CSMD1: variants seen among roughly 807,000 people sequenced by gnomAD.
CSMD1 encodes the protein CUB and sushi domain-containing protein 1.
CSMD1 carries 213 observed loss-of-function variants against 417.5 expected under a neutral mutation model. That is an observed-to-expected ratio of 0.51 (90% CI 0.46 to 0.57). The LOEUF (loss-of-function observed/expected upper bound fraction) is 0.57. CSMD1 is among the 20% of genes least tolerant of loss of function. The pLI, the probability that CSMD1 is intolerant of heterozygous loss-of-function variation, is 0.00. For missense variants in CSMD1, 6,923 were observed against 4,529.7 expected (o/e 1.53, Z -15.17); for synonymous variants, 2,862 against 1,736.8 (o/e 1.65, Z -16.11).
chr8:2,979,886 A>G (rs1402815553), intron 54 of CSMD1, among the ~76,000 whole-genome samples: 2 of 152,244 alleles, frequency 1.3e-5, no homozygotes, highest in Non-Finnish European at 2.9e-5. Context: ...TAAGGCATGT[A>G]CATGCCCCTA....
At chr8:3,507,494 A>G (rs1323876727) in intron 10 of CSMD1, among the ~76,000 whole-genome samples, 1 of 152,170 alleles carries the variant, frequency 6.6e-6, no homozygotes, top group Non-Finnish European at 1.5e-5. Context: ...TAGCAGCATG[A>G]TTTATAATCC....
At chr8:4,920,048 G>C (rs976651165) in intron 1 of CSMD1, among the ~76,000 whole-genome samples, 5 of 152,148 alleles carry the variant, frequency 3.3e-5, no homozygotes, top group African/African-American at 9.7e-5. Flanking sequence ...TAGCACAAAA[G>C]AGCTAAGACA....
intron 21 of CSMD1, among the ~76,000 whole-genome samples, chr8:3,357,180 A>G (rs1421780873): frequency 6.6e-6 from 1 of 152,210 alleles, no homozygotes; most frequent in East Asian, 1.9e-4. Context: ...GAGGGGCTGG[A>G]GGAAAAATCA....
chr8:4,941,156 A>C (rs936870421), intron 1 of CSMD1, among the ~76,000 whole-genome samples: 1 of 152,198 alleles, frequency 6.6e-6, no homozygotes, highest in African/African-American at 2.4e-5. Context: ...AAATTGGATC[A>C]CTCAATAAAT....
intron 48 of CSMD1, among the ~76,000 whole-genome samples, chr8:3,089,923 G>C (rs1208203947): frequency 2.0e-5 from 3 of 152,138 alleles, no homozygotes; most frequent in Admixed American, 6.5e-5. Context: ...AGGCTACTAA[G>C]AATTTCTCTG....
intron 1 of CSMD1, among the ~76,000 whole-genome samples, chr8:4,942,390 T>C (rs1027335576): frequency 1.3e-5 from 2 of 152,218 alleles, no homozygotes; most frequent in South Asian, 4.1e-4. Flanking sequence ...CTGAGATTAC[T>C]CTTATCATGT....
rs539398056 is a variant in CSMD1, at chr8:4,787,269, C to T, written c.86-149711G>A. On this transcript the variant is annotated intron_variant, in intron 1 of 69. Transcript: ENST00000635120. ...CGCCCAGAGATGCTCTCTGATCACC[C>T]CTCTTTTCTAGAGCTCTGCCTCACT... The T allele has an allele frequency of 6.5e-5, 39 of 602,024 alleles. No homozygotes were observed. The East Asian group carries it at 1.2e-3, about 18-fold the overall frequency. The allele number at this position is 602,024 out of a possible 1,614,324, so 37.3% of individuals were successfully genotyped here.
At chr8:4,217,298 C>G (rs183632111) in intron 3 of CSMD1, among the ~76,000 whole-genome samples, 6 of 152,206 alleles carry the variant, frequency 3.9e-5, no homozygotes, top group African/African-American at 1.4e-4. Context: ...AGTGTCCATG[C>G]AAGCACTGTG....
intron 1 of CSMD1, among the ~76,000 whole-genome samples, chr8:4,939,604 G>A (rs1807846871): frequency 6.6e-6 from 1 of 151,244 alleles, no homozygotes; most frequent in Non-Finnish European, 1.5e-5. Context: ...TGAACTCAAT[G>A]AAGCCGAGAG....
intron 1 of CSMD1, among the ~76,000 whole-genome samples, chr8:4,781,340 G>T (rs549754338): frequency 1.3e-5 from 2 of 152,152 alleles, no homozygotes; most frequent in Non-Finnish European, 2.9e-5. Flanking sequence ...TTACAACCAC[G>T]CATGAAACAA....
At chr8:4,967,150 T>G (rs1260610014) in intron 1 of CSMD1, among the ~76,000 whole-genome samples, 2 of 152,178 alleles carry the variant, frequency 1.3e-5, no homozygotes, top group Admixed American at 6.5e-5. Context: ...AGAGACTCCT[T>G]GTATTCGGAA....
intron 46 of CSMD1, among the ~76,000 whole-genome samples, chr8:3,105,631 C>G (rs1421916455): frequency 6.6e-6 from 1 of 152,198 alleles, no homozygotes; most frequent in African/African-American, 2.4e-5. Flanking sequence ...TACTCTTGCA[C>G]ATGGTCTACA....
intron 1 of CSMD1, among the ~76,000 whole-genome samples, chr8:4,661,994 A>G (rs1231526019): frequency 6.6e-6 from 1 of 152,178 alleles, no homozygotes; most frequent in Admixed American, 6.5e-5. Flanking sequence ...ATTTTGCTCT[A>G]TTAGCAATGT....
intron 33 of CSMD1, among the ~76,000 whole-genome samples, chr8:3,194,747 G>A (rs1796611631): frequency 1.3e-5 from 2 of 151,812 alleles, no homozygotes; most frequent in African/African-American, 4.8e-5. Context: ...TAGGATTATA[G>A]GCATGAGCCA....
At chr8:3,966,405 A>G (rs1812679813) in intron 5 of CSMD1, among the ~76,000 whole-genome samples, 6 of 152,280 alleles carry the variant, frequency 3.9e-5, no homozygotes, top group Admixed American at 2.6e-4. Context: ...TGATAAATAT[A>G]TAATACATAT....
intron 5 of CSMD1, among the ~76,000 whole-genome samples, chr8:3,895,307 T>C (rs749582750): frequency 6.6e-6 from 1 of 152,200 alleles, no homozygotes; most frequent in Non-Finnish European, 1.5e-5. Flanking sequence ...AACCTATCTA[T>C]GTTTATTAAC....
At chr8:3,431,049 G>C (rs528679319) in intron 12 of CSMD1, among the ~76,000 whole-genome samples, 6 of 152,092 alleles carry the variant, frequency 3.9e-5, no homozygotes, top group African/African-American at 1.4e-4. Context: ...TGCTAGTAAT[G>C]GATTCTGGGA....
intron 43 of CSMD1, among the ~76,000 whole-genome samples, chr8:3,109,234 C>T (rs1816346496): frequency 1.3e-5 from 2 of 152,174 alleles, no homozygotes; most frequent in Non-Finnish European, 2.9e-5. Context: ...CACTGCACTC[C>T]AGCTGTGCGA....
intron 2 of CSMD1, among the ~76,000 whole-genome samples, chr8:4,553,911 A>G (rs1329955118): frequency 6.6e-6 from 1 of 152,116 alleles, no homozygotes; most frequent in Non-Finnish European, 1.5e-5. Context: ...AAATCTGATG[A>G]CTGGTTCAGC....
Sources: allele counts gnomAD v4.1 joint callset (sites outside exome capture counted in the v4.1 genomes callset), GRCh38; gene constraint gnomAD v4.1.1; transcripts MANE v1.5; gene names NCBI Gene and HGNC (gene_info 2026-07-23, HGNC 2026-07-21).